Variants in XIRP2 observed in about 807,000 individuals in gnomAD.
XIRP2 encodes xin actin-binding repeat-containing protein 2.
XIRP2 carries 236 observed loss-of-function variants against 277.0 expected under a neutral mutation model. That is an observed-to-expected ratio of 0.85 (90% CI 0.77 to 0.95). XIRP2 has a LOEUF of 0.95. Among genes scored for constraint, XIRP2 ranks in the 40% least tolerant of loss-of-function variants. The pLI is 0.00. For synonymous variants in XIRP2, 1,490 were observed against 1,416.5 expected (o/e 1.05, Z -1.17); for missense variants, 4,640 against 4,157.5 (o/e 1.12, Z -3.19).
chr2:167,196,306 G>A (rs1372544042), intron 3 of XIRP2, among the ~76,000 whole-genome samples: 2 of 152,062 alleles, frequency 1.3e-5, no homozygotes, highest in East Asian at 1.9e-4. Context: ...TGCATTAGGT[G>A]TAATACGGAT....
intron 2 of XIRP2, among the ~76,000 whole-genome samples, chr2:167,112,063 A>G (rs918996964): frequency 1.3e-5 from 2 of 151,972 alleles, no homozygotes; most frequent in African/African-American, 2.4e-5. Flanking sequence ...TTTTTGCTTT[A>G]CTAATCTAAC....
intron 2 of XIRP2, among the ~76,000 whole-genome samples, chr2:167,025,186 G>A (rs1444143995): frequency 5.3e-5 from 8 of 152,144 alleles, no homozygotes; most frequent in African/African-American, 4.8e-5. Flanking sequence ...GTGTTGGGAG[G>A]GTGTATGTGT....
At chr2:167,238,315 A>G (rs1237492279) in intron 5 of XIRP2, among the ~76,000 whole-genome samples, 1 of 152,182 alleles carries the variant, frequency 6.6e-6, no homozygotes, top group South Asian at 2.1e-4. Flanking sequence ...GTGGTCTTCA[A>G]TTTAATGAGA....
chr2:167,059,314 C>T (rs991199487), intron 2 of XIRP2, among the ~76,000 whole-genome samples: 4 of 150,760 alleles, frequency 2.7e-5, no homozygotes, highest in South Asian at 2.1e-4. Flanking sequence ...GATGGGGTTT[C>T]GCCATGTTGG....
At position 167,242,738 on chromosome 2, in the gene XIRP2, C is replaced by A. The variant is rs1559037080; in HGVS notation, c.1346C>A (p.Thr449Lys). 4 of 1,614,018 alleles carry A rather than the reference C, an allele frequency of 2.5e-6. No individual in the cohort carries two copies. In the Admixed American group the frequency reaches 5.0e-5, roughly 20 times the overall value. The change falls in exon 9 of 11, where the codon ACA (threonine) becomes AAA (lysine). Residue 449 changes from threonine (T) to lysine (K), a missense_variant. Thr to Lys is a moderately conservative substitution (Grantham distance 78). Transcript: ENST00000409195. ...AQINATSSGM[T>K]EEFPPPPPDV... Reference sequence around the variant, plus strand: ...ATTAATGCTACTTCTTCAGGAATGACAGAAGAATTTCCTCCTCCCCCACCT... The same window carrying A: ...ATTAATGCTACTTCTTCAGGAATGAAAGAAGAATTTCCTCCTCCCCCACCT...
rs376631464 is a variant in XIRP2 at position 167,244,751 on chromosome 2, A to T, written c.3359A>T (p.His1120Leu). The change falls in exon 9 of 11, where the codon CAT becomes CTT. Residue 1120 changes from histidine to leucine, a missense_variant. By Grantham distance (99) the His-to-Leu change is moderately conservative. Coordinates refer to ENST00000409195, the MANE Select transcript of XIRP2 (RefSeq NM_152381.6). ...VSLMTSSEEIHKGDVKTCTWL... is the reference protein window; with the variant it reads ...VSLMTSSEEILKGDVKTCTWL... Reference sequence around the variant, plus strand: ...TTAATGACCAGCAGTGAAGAAATTCATAAGGGAGATGTCAAAACTTGTACT... The same window carrying T: ...TTAATGACCAGCAGTGAAGAAATTCTTAAGGGAGATGTCAAAACTTGTACT... 3.7e-6 allele frequency: 6 copies of T among 1,613,374 alleles called. No individual in the cohort carries two copies. In the South Asian group the frequency reaches 5.5e-5, roughly 15 times the overall value.
chr2:167,208,242 A>C (rs1693915635), intron 3 of XIRP2, among the ~76,000 whole-genome samples: 1 of 152,184 alleles, frequency 6.6e-6, no homozygotes, highest in South Asian at 2.1e-4. Flanking sequence ...TCCTTTTCAC[A>C]GAGTACTTTA....
chr2:166,949,848 A>G (rs1015816639), intron 2 of XIRP2, among the ~76,000 whole-genome samples: 10 of 152,080 alleles, frequency 6.6e-5, no homozygotes, highest in Admixed American at 2.0e-4. Flanking sequence ...ATATTTCTAT[A>G]GATTTTTATT....
At chr2:167,160,376 A>G (rs186078048) in intron 3 of XIRP2, among the ~76,000 whole-genome samples, 87 of 152,310 alleles carry the variant, frequency 5.7e-4, no homozygotes, top group African/African-American at 1.9e-3. Flanking sequence ...GAAAACTGGC[A>G]TTATACTGTT....
chr2:167,065,678 C>T lies in XIRP2; in HGVS notation c.409-70231C>T, dbSNP rs572429758. Among the ~76,000 whole-genome samples, 65 of 151,784 alleles carry T rather than the reference C, an allele frequency of 4.3e-4. 1 individual carries two copies. The highest frequency in any genetic ancestry group is 8.1e-4 in the Non-Finnish European group (55 of 67,802). ...GTGTTCCTCCACACTGTCATAATTTCGGGCTCATTTTATTTCTTTATGAGA... is the reference window on the plus strand; with the variant it reads ...GTGTTCCTCCACACTGTCATAATTTTGGGCTCATTTTATTTCTTTATGAGA... On this transcript the variant is annotated intron_variant, in intron 2 of 10. Coordinates refer to ENST00000409195, the MANE Select transcript of XIRP2 (RefSeq NM_152381.6).
chr2:167,040,443 C>T (rs766906550), intron 2 of XIRP2, among the ~76,000 whole-genome samples: 1 of 152,074 alleles, frequency 6.6e-6, no homozygotes, highest in Non-Finnish European at 1.5e-5. Flanking sequence ...GTGGCCCACT[C>T]TCACCACAAA....
At chr2:167,238,886 CAAT>C (rs987411253) in intron 5 of XIRP2, among the ~76,000 whole-genome samples, 1 of 152,110 alleles carries the variant, frequency 6.6e-6, no homozygotes, top group Non-Finnish European at 1.5e-5. Flanking sequence ...ATCAATCAAT[CAAT>C]CAATCAATCA....
At position 167,057,475 on chromosome 2, in the gene XIRP2, C is replaced by T. The variant is rs534153502; in HGVS notation, c.409-78434C>T. 7.0e-4 allele frequency among the ~76,000 whole-genome samples: 107 copies of T among 152,188 alleles called. 6 individuals carry two copies. In the South Asian group the frequency reaches 0.021, roughly 29 times the overall value. Reference sequence around the variant, plus strand: ...TTGGCAGACATAGAATGCTGAGGTCCGGAAACACTTGGGTTACACATGCAC... The same window carrying T: ...TTGGCAGACATAGAATGCTGAGGTCTGGAAACACTTGGGTTACACATGCAC... On this transcript the variant is annotated intron_variant, in intron 2 of 10. Transcript: ENST00000409195.
At chr2:167,016,072 G>A (rs957106468) in intron 2 of XIRP2, among the ~76,000 whole-genome samples, 17 of 151,396 alleles carry the variant, frequency 1.1e-4, no homozygotes, top group East Asian at 5.9e-4. Flanking sequence ...CCAAGTTCAC[G>A]TATTCATGTA....
chr2:166,936,157 G>A (rs967816965), intron 2 of XIRP2, among the ~76,000 whole-genome samples: 6 of 152,182 alleles, frequency 3.9e-5, no homozygotes, highest in African/African-American at 1.4e-4. Context: ...TTTCTCTGAT[G>A]GCCAGTGATG....
At position 167,128,207 on chromosome 2, in the gene XIRP2, G is replaced by T. The variant is rs117922229; in HGVS notation, c.409-7702G>T. Reference sequence around the variant, plus strand: ...TTTGTAATGGATTCTCTTCCCTCTAGTCCCCTTCTCACTATCCTAATGTAG... The same window carrying T: ...TTTGTAATGGATTCTCTTCCCTCTATTCCCCTTCTCACTATCCTAATGTAG... On this transcript the variant is annotated intron_variant, in intron 2 of 10. Transcript: ENST00000409195. 2.0e-3 allele frequency among the ~76,000 whole-genome samples: 306 copies of T among 152,176 alleles called. 11 individuals carry two copies. The East Asian group carries it at 0.052, about 26-fold the overall frequency.
chr2:167,123,554 T>C (rs1303919177), intron 2 of XIRP2, among the ~76,000 whole-genome samples: 1 of 152,118 alleles, frequency 6.6e-6, no homozygotes, highest in African/African-American at 2.4e-5. Flanking sequence ...GAAGTCAAGA[T>C]CAAGTTGCTT....
At chr2:167,113,728 A>T (rs376888331) in intron 2 of XIRP2, among the ~76,000 whole-genome samples, 1 of 152,190 alleles carries the variant, frequency 6.6e-6, no homozygotes, top group Non-Finnish European at 1.5e-5. Context: ...GTTATTTTAT[A>T]GTATCACTGA....
intron 2 of XIRP2, among the ~76,000 whole-genome samples, chr2:166,980,192 C>G (rs1673321171): frequency 6.6e-6 from 1 of 151,980 alleles, no homozygotes; most frequent in South Asian, 2.1e-4. Flanking sequence ...TAAAGAAGCT[C>G]ACTTTTGAAC....
Sources: allele counts gnomAD v4.1 joint callset (sites outside exome capture counted in the v4.1 genomes callset), GRCh38; gene constraint gnomAD v4.1.1; transcripts MANE v1.5; gene names NCBI Gene and HGNC (gene_info 2026-07-23, HGNC 2026-07-21).